GALNT2: variants seen among roughly 807,000 people sequenced by gnomAD.
GALNT2 encodes UDP-GalNAc:polypeptide N-acetylgalactosaminyltransferase 2.
In GALNT2, 31 loss-of-function variants were observed where a neutral mutation model predicts 81.4. The observed-to-expected ratio is 0.38, with a 90% CI of 0.29 to 0.51. The LOEUF is 0.51. Among genes scored for constraint, GALNT2 ranks in the 20% least tolerant of loss-of-function variants. The pLI, the probability that GALNT2 is intolerant of heterozygous loss-of-function variation, is 0.87. For synonymous variants in GALNT2, 303 were observed against 287.4 expected (o/e 1.05, Z -0.55); for missense variants, 629 against 765.7 (o/e 0.82, Z 2.11).
At chr1:230,264,542 A>G (rs1408090957) in intron 13 of GALNT2, 1 of 152,410 alleles carries the variant, frequency 6.6e-6, no homozygotes, top group East Asian at 1.9e-4. Flanking sequence ...TGAGGGAGAC[A>G]TCAGCCTCGT....
chr1:230,078,284 G>A (rs1253290694), intron 1 of GALNT2, among the ~76,000 whole-genome samples: 1 of 152,162 alleles, frequency 6.6e-6, no homozygotes, highest in African/African-American at 2.4e-5. Flanking sequence ...TATTTGGGGG[G>A]GGATCATGGA....
intron 1 of GALNT2, among the ~76,000 whole-genome samples, chr1:230,072,187 G>A (rs1159466257): frequency 6.6e-6 from 1 of 152,164 alleles, no homozygotes; most frequent in East Asian, 1.9e-4. Context: ...GGGAGATTGG[G>A]TTGGGGAAGA....
intron 1 of GALNT2, among the ~76,000 whole-genome samples, chr1:230,172,581 C>G (rs1470350606): frequency 2.0e-5 from 3 of 152,244 alleles, no homozygotes; most frequent in African/African-American, 7.2e-5. Context: ...GCACAGTGCC[C>G]TGCACGCATA....
intron 1 of GALNT2, among the ~76,000 whole-genome samples, chr1:230,120,545 C>T (rs548155622): frequency 4.8e-4 from 73 of 152,262 alleles, no homozygotes; most frequent in African/African-American, 1.7e-3. Flanking sequence ...CCGGGCCTCT[C>T]CCCTCCAGTG....
chr1:230,267,391 C>T (rs1002253445), intron 14 of GALNT2, among the ~76,000 whole-genome samples: 3 of 152,192 alleles, frequency 2.0e-5, no homozygotes, highest in South Asian at 2.1e-4. Flanking sequence ...CAGGTGGCTG[C>T]GCCTCCTGTT....
At chr1:230,095,189 A>G (rs1379746823) in intron 1 of GALNT2, among the ~76,000 whole-genome samples, 4 of 151,852 alleles carry the variant, frequency 2.6e-5, no homozygotes, top group Non-Finnish European at 5.9e-5. Context: ...GTGGCAGCAG[A>G]CCCGCGGGGC....
rs139306592 is a variant in GALNT2 at position 230,240,484 on chromosome 1, C to T, written c.608-2822C>T. 9.6e-3 allele frequency among the ~76,000 whole-genome samples: 1,464 copies of T among 152,192 alleles called. 9 individuals are homozygous for T. Among genetic ancestry groups the T allele is most frequent in the Middle Eastern group, 0.02 (6 of 294 alleles). ...GCATGCGCCTGTAGTCCCAGCTACT[C>T]GGGAGACTGAGGCAGAAGACTCGCT... On this transcript the variant is annotated intron_variant, in intron 6 of 15. Transcript: ENST00000366672.
At chr1:230,221,422 C>G (rs1370765108) in intron 3 of GALNT2, among the ~76,000 whole-genome samples, 1 of 152,098 alleles carries the variant, frequency 6.6e-6, no homozygotes, top group Non-Finnish European at 1.5e-5. Context: ...GAAAATGTAC[C>G]AGAATTTACT....
chr1:230,189,006 G>A (rs947201816), intron 2 of GALNT2, among the ~76,000 whole-genome samples: 7 of 152,098 alleles, frequency 4.6e-5, no homozygotes, highest in African/African-American at 1.4e-4. Flanking sequence ...GGCCAGTAGA[G>A]GAGTGGGGCC....
At chr1:230,216,435 G>C (rs777972079) in intron 3 of GALNT2, among the ~76,000 whole-genome samples, 1 of 152,156 alleles carries the variant, frequency 6.6e-6, no homozygotes, top group Non-Finnish European at 1.5e-5. Flanking sequence ...CTGTTCACTG[G>C]TGTAACTGAC....
intron 3 of GALNT2, among the ~76,000 whole-genome samples, chr1:230,211,848 C>G (rs1004267249): frequency 6.6e-6 from 1 of 152,136 alleles, no homozygotes; most frequent in African/African-American, 2.4e-5. Flanking sequence ...CTGATGATGT[C>G]GTATACCAGT....
intron 11 of GALNT2, among the ~76,000 whole-genome samples, chr1:230,256,305 G>A (rs886508880): frequency 3.9e-5 from 6 of 152,130 alleles, no homozygotes; most frequent in Admixed American, 3.9e-4. Flanking sequence ...AATTAACCGG[G>A]CATAGTGGCA....
In GALNT2 at chr1:230,110,932, G is replaced by A. The variant is rs150042568; in HGVS notation, c.126+43526G>A. The stretch of plus-strand genomic sequence containing the variant: ...TGTATGCTCTTCTCTTTAAGTACAA[G>A]CCACCATTGCCAGGCAGAAGCTGAT... On this transcript the variant is annotated intron_variant, in intron 1 of 15. Coordinates refer to ENST00000366672, the MANE Select transcript of GALNT2 (RefSeq NM_004481.5). Among the ~76,000 whole-genome samples, 1,031 of 152,230 alleles carry A rather than the reference G, an allele frequency of 6.8e-3. 9 individuals carry two copies. Among genetic ancestry groups the A allele is most frequent in the Middle Eastern group, 0.017 (5 of 294 alleles).
In GALNT2 at chr1:230,070,062, C is replaced by G. The variant is rs1659327283; in HGVS notation, c.126+2656C>G. ...ACTGTTATTCTCCACTTGGCAAAAC[C>G]CAGAGAGCCAGCTCACCTCAGATTG... On this transcript the variant is annotated intron_variant, in intron 1 of 15. Coordinates refer to ENST00000366672, the MANE Select transcript of GALNT2 (RefSeq NM_004481.5). The surrounding 1 kb of genome is among the most constrained non-coding windows in gnomAD (Gnocchi z 4.7). Among the ~76,000 whole-genome samples, 1 of 152,088 alleles carries G rather than the reference C, an allele frequency of 6.6e-6. No individual in the cohort carries two copies. Among genetic ancestry groups the G allele is most frequent in the Admixed American group, 6.5e-5 (1 of 15,270 alleles).
chr1:230,137,788 C>T (rs1046496825), intron 1 of GALNT2, among the ~76,000 whole-genome samples: 3 of 152,206 alleles, frequency 2.0e-5, no homozygotes, highest in Admixed American at 1.3e-4. Context: ...GGATTTGGCT[C>T]AGGATTGATG....
rs375849149 is a variant in GALNT2, at chr1:230,175,591, TCC to T, written c.127-2624_127-2623del. The stretch of plus-strand genomic sequence containing the variant: ...CCTCCTCTGCCTCCTCCCCTCCTCG[TCC>T]CCTCCTCGTCCTCCTCCTCCCCCTC... On this transcript the variant is annotated intron_variant, in intron 1 of 15. Transcript: ENST00000366672. Among the ~76,000 whole-genome samples, 45 of 64,882 alleles carry T rather than the reference TCC, an allele frequency of 6.9e-4. 2 individuals are homozygous for T. Among genetic ancestry groups the T allele is most frequent in the African/African-American group, 4.1e-3 (42 of 10,186 alleles). The allele number at this position is 64,882 out of a possible 152,430, so 42.6% of individuals were successfully genotyped here. A position where few individuals can be genotyped will look rare whatever the true frequency, so the allele number is the denominator to read the frequency against.
intron 6 of GALNT2, among the ~76,000 whole-genome samples, chr1:230,238,066 G>A (rs1176449753): frequency 2.0e-5 from 3 of 152,220 alleles, no homozygotes; most frequent in Non-Finnish European, 4.4e-5. Context: ...GGAGAAGCCA[G>A]ATTATGGAAA....
chr1:230,246,901 T>C (rs931428153), intron 8 of GALNT2, among the ~76,000 whole-genome samples: 5 of 151,894 alleles, frequency 3.3e-5, no homozygotes, highest in African/African-American at 7.3e-5. Flanking sequence ...GGGCAGAGGG[T>C]TAACTGATGG....
In GALNT2 at chr1:230,257,765, T is replaced by C. The variant is rs897730985; in HGVS notation, c.1136+2421T>C. Among the ~76,000 whole-genome samples the C allele has an allele frequency of 6.6e-6, 1 of 152,190 alleles. No homozygotes were observed. Among genetic ancestry groups the C allele is most frequent in the Admixed American group, 6.5e-5 (1 of 15,282 alleles). On this transcript the variant is annotated intron_variant, in intron 11 of 15. Coordinates refer to ENST00000366672, the MANE Select transcript of GALNT2 (RefSeq NM_004481.5). This position sits in a 1 kb window ranked among gnomAD's most constrained non-coding sequence, Gnocchi z 4.6. ...GGTGAAGCAGGCAGCTGTTTGCTAA[T>C]AGGGCGGCAGAGAGAAGGGAGGTAG...
Sources: allele counts gnomAD v4.1 joint callset (sites outside exome capture counted in the v4.1 genomes callset), GRCh38; gene constraint gnomAD v4.1.1; non-coding constraint Gnocchi (gnomAD v3.1); transcripts MANE v1.5; gene names NCBI Gene and HGNC (gene_info 2026-07-23, HGNC 2026-07-21).